Variants in ITPR1 observed in about 807,000 individuals in gnomAD.
ITPR1 encodes inositol 1,4,5-trisphosphate receptor type 1.
A neutral mutation model predicts 318.4 loss-of-function variants in ITPR1; 96 were observed. The ratio of observed to expected loss-of-function variants is 0.30; its 90% CI spans 0.26 to 0.36. The LOEUF is 0.36. Ranked by LOEUF, ITPR1 falls within the 10% of genes least tolerant of loss-of-function variation. The pLI is 1.00. For synonymous variants in ITPR1, 1,312 were observed against 1,289.9 expected, an observed-to-expected ratio of 1.02 and a Z score of -0.37; for missense variants, 2,440 against 3,460.2, an observed-to-expected ratio of 0.71 and a Z score of 7.40.
At chr3:4,599,465 C>G (rs2091104474) in intron 4 of ITPR1, among the ~76,000 whole-genome samples, 1 of 152,176 alleles carries the variant, frequency 6.6e-6, no homozygotes, top group Non-Finnish European at 1.5e-5. Flanking sequence ...TTAGCATTGC[C>G]AGATGACAAC....
In ITPR1 at chr3:4,635,554, C is replaced by T. The variant is rs563898291; in HGVS notation, c.280-3830C>T. On this transcript the variant is annotated intron_variant, in intron 5 of 61. Transcript: ENST00000649015. ...TAGAGACGGGGTTTCCCTGTGTTAG[C>T]CAGGATGGTCTCGATCTCCTGACCT... Among the ~76,000 whole-genome samples, 6 of 151,954 alleles carry T rather than the reference C, an allele frequency of 3.9e-5. No individual in the cohort carries two copies. In the East Asian group the frequency reaches 5.8e-4, roughly 15 times the overall value.
intron 4 of ITPR1, among the ~76,000 whole-genome samples, chr3:4,533,635 T>C (rs2124957159): frequency 6.6e-6 from 1 of 152,332 alleles, no homozygotes; most frequent in Non-Finnish European, 1.5e-5. Flanking sequence ...CATCGATATG[T>C]CCGTTTTAAA....
At chr3:4,533,423 C>T (rs2083583127) in intron 4 of ITPR1, among the ~76,000 whole-genome samples, 1 of 152,134 alleles carries the variant, frequency 6.6e-6, no homozygotes, top group African/African-American at 2.4e-5. Flanking sequence ...GCCTTAGTTT[C>T]CCCACCTGGC....
chr3:4,742,535 G>A (rs1307611381), intron 44 of ITPR1, among the ~76,000 whole-genome samples: 1 of 152,226 alleles, frequency 6.6e-6, no homozygotes, highest in African/African-American at 2.4e-5. Context: ...GAACTCCTGA[G>A]ATGTTTTCAC....
intron 46 of ITPR1, among the ~76,000 whole-genome samples, chr3:4,772,321 T>C (rs1266686546): frequency 2.0e-5 from 3 of 152,246 alleles, no homozygotes; most frequent in African/African-American, 4.8e-5. Context: ...ATCTGGCCTT[T>C]TGCAGCAGCA....
intron 31 of ITPR1, 81 bp downstream of exon 31, chr3:4,688,701 G>A: frequency 1.4e-6 from 2 of 1,420,630 alleles, no homozygotes; most frequent in Non-Finnish European, 1.9e-6. Flanking sequence ...TTCTTTGGCT[G>A]TTGTGGCTTC....
rs961236980 is a variant in ITPR1, at chr3:4,693,548, C to T, written c.4088C>T (p.Thr1363Ile). 3.1e-6 allele frequency: 5 copies of T among 1,613,912 alleles called. No homozygotes were observed. The highest frequency in any genetic ancestry group is 4.2e-6 in the Non-Finnish European group (5 of 1,179,894). ...TACAACGACAGAGCCTCTTTCCAGA[C>T]TCTGATCCAGATGATGCGGTCAGAA... The part of the protein sequence containing the change: ...VFYNDRASFQ[T>I]LIQMMRSERD... The change falls in exon 33 of 62, where the codon ACT becomes ATT. Residue 1363 changes from threonine to isoleucine, a missense_variant. Physicochemically the swap from Thr to Ile is moderately conservative, Grantham distance 89. This residue lies in a region of ITPR1 where 222 missense variants were observed against 318.8 expected (regional missense o/e 0.70). Coordinates refer to ENST00000649015, the MANE Select transcript of ITPR1 (RefSeq NM_001378452.1).
intron 44 of ITPR1, among the ~76,000 whole-genome samples, chr3:4,739,844 A>G (rs2043569355): frequency 6.6e-6 from 1 of 152,130 alleles, no homozygotes. Flanking sequence ...GGTCACTCAT[A>G]TGACTGTGGC....
chr3:4,742,988 C>A (rs1281916574), intron 44 of ITPR1, among the ~76,000 whole-genome samples: 1 of 152,148 alleles, frequency 6.6e-6, no homozygotes, highest in African/African-American at 2.4e-5. Context: ...AATTTCATTG[C>A]CTTGAGTACA....
intron 56 of ITPR1, 57 bp from the exon 57 acceptor site, chr3:4,813,081 TCAAA>T: frequency 8.0e-7 from 1 of 1,251,078 alleles, no homozygotes; most frequent in Non-Finnish European, 1.2e-6. Context: ...ATTGGGGACT[TCAAA>T]CATTTTAACC....
At chr3:4,596,874 A>G (rs1362215179) in intron 4 of ITPR1, among the ~76,000 whole-genome samples, 1 of 152,154 alleles carries the variant, frequency 6.6e-6, no homozygotes, top group Non-Finnish European at 1.5e-5. Flanking sequence ...TTGACTTTAT[A>G]TTGTTTCTCT....
At chr3:4,572,467 C>T (rs2088124206) in intron 4 of ITPR1, among the ~76,000 whole-genome samples, 2 of 152,132 alleles carry the variant, frequency 1.3e-5, no homozygotes, top group South Asian at 4.1e-4. Context: ...TTGCAAGCTT[C>T]ATGTGACACT....
intron 4 of ITPR1, among the ~76,000 whole-genome samples, chr3:4,593,324 A>T (rs1308277892): frequency 6.6e-6 from 1 of 152,216 alleles, no homozygotes; most frequent in Non-Finnish European, 1.5e-5. Context: ...ATTTGTAAAA[A>T]GGAGGCTTAG....
At position 4,547,116 on chromosome 3, in the gene ITPR1, G is replaced by A. The variant is rs146192193; in HGVS notation, c.163+26022G>A. On this transcript the variant is annotated intron_variant, in intron 4 of 61. Transcript: ENST00000649015. Reference sequence around the variant, plus strand: ...AGTGTCTACTCCATTCAAGGCCTGTGCTAGGCATGATTTATAGTACGGTTG... The same window carrying A: ...AGTGTCTACTCCATTCAAGGCCTGTACTAGGCATGATTTATAGTACGGTTG... 4.3e-3 allele frequency among the ~76,000 whole-genome samples: 650 copies of A among 152,288 alleles called. 5 individuals carry two copies. The highest frequency in any genetic ancestry group is 6.2e-3 in the Non-Finnish European group (421 of 68,010).
intron 4 of ITPR1, among the ~76,000 whole-genome samples, chr3:4,613,174 T>A (rs961163498): frequency 1.3e-5 from 2 of 152,194 alleles, no homozygotes; most frequent in African/African-American, 4.8e-5. Context: ...AGTGGGGGCT[T>A]CCAGGTTAGG....
intron 4 of ITPR1, among the ~76,000 whole-genome samples, chr3:4,624,844 G>A (rs986446267): frequency 2.0e-5 from 3 of 152,152 alleles, no homozygotes; most frequent in Non-Finnish European, 4.4e-5. Context: ...TCCTGGTCAT[G>A]TATGGTTATT....
rs1487551652 is a variant in ITPR1, at chr3:4,826,831, A to T, written c.8028+8589A>T. Among the ~76,000 whole-genome samples, 2 of 152,142 alleles carry T rather than the reference A, an allele frequency of 1.3e-5. No individual in the cohort carries two copies. The highest frequency in any genetic ancestry group is 2.9e-5 in the Non-Finnish European group (2 of 68,022). On this transcript the variant is annotated intron_variant, in intron 60 of 61. Transcript: ENST00000649015. The surrounding 1 kb of genome is among the most constrained non-coding windows in gnomAD (Gnocchi z 4.2). ...TTCTGACCTTCGTGGAGGGTGTGCC[A>T]GGTGCCGTTTGTAACAATGAGTTGA...
At position 4,495,885 on chromosome 3, in the gene ITPR1, C is replaced by G. The variant is rs75692303; in HGVS notation, c.-17+1379C>G. ...GAAGCTAGGAAAAATGGTAAACTTA[C>G]TGCTACTGATGAAATAACTTGCATA... On this transcript the variant is annotated intron_variant, in intron 2 of 61. Transcript: ENST00000649015. Among the ~76,000 whole-genome samples, 557 of 152,272 alleles carry G rather than the reference C, an allele frequency of 3.7e-3. 4 individuals are homozygous for G. The highest frequency in any genetic ancestry group is 0.012 in the African/African-American group (512 of 41,544).
chr3:4,732,971 C>G lies in ITPR1; in HGVS notation c.5221-117C>G. The G allele has an allele frequency of 5.0e-6, 5 of 991,738 alleles. No individual in the cohort carries two copies. In the South Asian group the frequency reaches 5.7e-5, roughly 11 times the overall value. The allele number at this position is 991,738 out of a possible 1,614,324, so 61.4% of individuals were successfully genotyped here. A position where few individuals can be genotyped will look rare whatever the true frequency, so the allele number is the denominator to read the frequency against. ...TAAATGCTTCCATGAATAATTTATT[C>G]TTTCGCCAAGTGAAACTGGGCCAAT... On this transcript the variant is annotated intron_variant, in intron 42 of 61. Coordinates refer to ENST00000649015, the MANE Select transcript of ITPR1 (RefSeq NM_001378452.1).
Sources: allele counts gnomAD v4.1 joint callset (sites outside exome capture counted in the v4.1 genomes callset), GRCh38; gene constraint gnomAD v4.1.1; regional missense constraint gnomAD v4.1.1; non-coding constraint Gnocchi (gnomAD v3.1); transcripts MANE v1.5; gene names NCBI Gene and HGNC (gene_info 2026-07-23, HGNC 2026-07-21).